ADCK5: variants seen among roughly 807,000 people sequenced by gnomAD.
ADCK5 encodes the protein uncharacterized aarF domain-containing protein kinase 5.
In ADCK5, 43 loss-of-function variants were observed where a neutral mutation model predicts 64.9. The ratio of observed to expected loss-of-function variants is 0.66; its 90% CI spans 0.52 to 0.85. ADCK5 has a LOEUF of 0.85. Among genes scored for constraint, ADCK5 ranks in the 40% least tolerant of loss-of-function variants. The pLI, the probability that ADCK5 is intolerant of heterozygous loss-of-function variation, is 0.00. For synonymous variants in ADCK5, 434 were observed against 342.8 expected, an observed-to-expected ratio of 1.27 and a Z score of -2.94; for missense variants, 760 against 810.5, an observed-to-expected ratio of 0.94 and a Z score of 0.76.
In ADCK5 at chr8:144,391,863, T is replaced by G; in HGVS notation, c.1011T>G (p.His337Gln). ...EAIRSQGLAV[H>Q]DIAEKLIKAF... Reference sequence around the variant, plus strand: ...TCAGGAGCCAGGGGCTGGCAGTGCATGACGTGAGTGCGGGGGGGCGGGGGC... The same window carrying G: ...TCAGGAGCCAGGGGCTGGCAGTGCAGGACGTGAGTGCGGGGGGGCGGGGGC... Residue 337 changes from histidine to glutamine, a missense_variant, in exon 9 of 15, where the codon CAT (histidine) becomes CAG (glutamine). Physicochemically the swap from His to Gln is conservative, Grantham distance 24 (BLOSUM62 0). Around this residue, in one of 2 missense-constraint regions of ADCK5, gnomAD observed 427 missense variants for 518.4 expected, o/e 0.82. Transcript: ENST00000308860. The G allele has an allele frequency of 1.6e-6, 2 of 1,241,552 alleles. No individual in the cohort carries two copies. The highest frequency in any genetic ancestry group is 2.1e-6 in the Non-Finnish European group (2 of 956,942). 76.9% of individuals were successfully genotyped at this position (1,241,552 alleles called of 1,614,324 possible).
At chr8:144,390,389 A>C (rs1192631181) in intron 3 of ADCK5, among the ~76,000 whole-genome samples, 9 of 152,278 alleles carry the variant, frequency 5.9e-5, no homozygotes, top group Non-Finnish European at 1.0e-4. Context: ...ACAGCCTCCC[A>C]ATGTGATGGG....
chr8:144,378,837 C>T lies in ADCK5; in HGVS notation c.13-550C>T, dbSNP rs545381219. On this transcript the variant is annotated intron_variant, in intron 1 of 14. Transcript: ENST00000308860. ...GAGATTGTAGTGAGCCGAGATTGTG[C>T]CATTGCACTCCAGCCTGGGCGACAG... 2.6e-5 allele frequency among the ~76,000 whole-genome samples: 4 copies of T among 152,124 alleles called. No homozygotes were observed. In the South Asian group the frequency reaches 8.3e-4, roughly 32 times the overall value.
rs1819800815 is a variant in ADCK5 at position 144,384,113 on chromosome 8, C to G, written c.266+883C>G. On this transcript the variant is annotated intron_variant, in intron 3 of 14. Coordinates refer to ENST00000308860, the MANE Select transcript of ADCK5 (RefSeq NM_174922.5). This position sits in a 1 kb window ranked among gnomAD's most constrained non-coding sequence, Gnocchi z 5.7. The stretch of plus-strand genomic sequence containing the variant: ...TATTTTTAGTAGAAACGGGGTTTCA[C>G]TGTGTTAGCCAGGATGGTCTCGATC... Among the ~76,000 whole-genome samples the G allele has an allele frequency of 6.6e-6, 1 of 152,018 alleles. No individual in the cohort carries two copies. Among genetic ancestry groups the G allele is most frequent in the Admixed American group, 6.6e-5 (1 of 15,238 alleles).
intron 1 of ADCK5, among the ~76,000 whole-genome samples, chr8:144,377,796 C>G (rs1819427991): frequency 6.6e-6 from 1 of 152,206 alleles, no homozygotes; most frequent in South Asian, 2.1e-4. Flanking sequence ...TAGGCCACTC[C>G]TCCCATCCGG....
In ADCK5 at chr8:144,390,996, C is replaced by G; in HGVS notation, c.483C>G (p.Pro161=). 6.2e-7 allele frequency: 1 copy of G among 1,613,020 alleles called. No individual in the cohort carries two copies. Among genetic ancestry groups the G allele is most frequent in the Non-Finnish European group, 8.5e-7 (1 of 1,179,992 alleles). Residue 161 remains proline (P), a synonymous_variant, in exon 5 of 15, where the codon CCC becomes CCG. Transcript: ENST00000308860. ...GLCSFNHLLP[P]EYTRTLRVLE... Reference sequence around the variant, plus strand: ...GCTCCTTCAACCACCTGCTTCCCCCCGAGTATACCCGGACCCTGCGCGTGC... The same window carrying G: ...GCTCCTTCAACCACCTGCTTCCCCCGGAGTATACCCGGACCCTGCGCGTGC...
At chr8:144,377,680 G>A (rs566514447) in intron 1 of ADCK5, among the ~76,000 whole-genome samples, 6 of 152,310 alleles carry the variant, frequency 3.9e-5, no homozygotes, top group Admixed American at 6.5e-5. Context: ...CCTGCTAGCT[G>A]CAGCATGTCC....
intron 3 of ADCK5, chr8:144,389,123 C>T (rs1221204692): frequency 8.0e-6 from 3 of 376,392 alleles, no homozygotes; most frequent in East Asian, 7.4e-5. Flanking sequence ...ACCCTGATAT[C>T]CTCCTAACTG....
intron 3 of ADCK5, 55 bp downstream of exon 3, chr8:144,383,285 G>A (rs914999119): frequency 1.3e-5 from 20 of 1,482,484 alleles, no homozygotes; most frequent in South Asian, 6.8e-5. Flanking sequence ...GGGTGTGTGC[G>A]GTGCAGGATT....
At chr8:144,379,666 C>G (rs548332299) in intron 2 of ADCK5, among the ~76,000 whole-genome samples, 176 bp downstream of exon 2, 2 of 152,326 alleles carry the variant, frequency 1.3e-5, no homozygotes, top group African/African-American at 4.8e-5. Flanking sequence ...CCCCAGGGAC[C>G]CATGGGACCG....
chr8:144,379,635 C>A (rs1417072563), intron 2 of ADCK5, 145 bp downstream of exon 2: 3 of 681,588 alleles, frequency 4.4e-6, no homozygotes, highest in Admixed American at 6.7e-5. Context: ...CTCCTCAGTG[C>A]GGTGCACTGG....
chr8:144,392,935 C>T (rs957059223), intron 14 of ADCK5, 34 bp from the exon 15 acceptor site: 3 of 1,586,724 alleles, frequency 1.9e-6, no homozygotes, highest in Non-Finnish European at 1.7e-6. Context: ...GCCTGCTCCC[C>T]ACCCACCTGT....
In ADCK5 at chr8:144,383,118, T is replaced by C; in HGVS notation, c.154T>C (p.Ser52Pro). The change falls in exon 3 of 15, where the codon TCC (serine) becomes CCC (proline). Residue 52 changes from serine to proline, a missense_variant. Ser to Pro is a moderately conservative substitution (Grantham distance 74). This residue lies in a region of ADCK5 where 427 missense variants were observed against 518.4 expected (regional missense o/e 0.82). Coordinates refer to ENST00000308860, the MANE Select transcript of ADCK5 (RefSeq NM_174922.5). ...SPTPLWRKVL[S>P]TAVVGAPLLL... is the part of the protein sequence containing the mutation. ...CACACCCCTGTGGAGGAAGGTGCTC[T>C]CCACCGCGGTAGTGGGGGCGCCCCT... 1 of 1,587,410 alleles carries C rather than the reference T, an allele frequency of 6.3e-7. No individual in the cohort carries two copies. The highest frequency in any genetic ancestry group is 8.6e-7 in the Non-Finnish European group (1 of 1,167,084).
intron 1 of ADCK5, among the ~76,000 whole-genome samples, chr8:144,378,917 A>G (rs921461951): frequency 6.7e-6 from 1 of 150,358 alleles, no homozygotes; most frequent in Non-Finnish European, 1.5e-5. Flanking sequence ...TAAATTACCC[A>G]GTCTTGCTTG....
At chr8:144,383,537 C>A (rs1286319365) in intron 3 of ADCK5, among the ~76,000 whole-genome samples, 1 of 152,166 alleles carries the variant, frequency 6.6e-6, no homozygotes, top group Non-Finnish European at 1.5e-5. Flanking sequence ...GCGCTCCAGC[C>A]CTGGGCCCGT....
intron 2 of ADCK5, among the ~76,000 whole-genome samples, chr8:144,382,864 C>T (rs1197867803): frequency 6.6e-6 from 1 of 152,250 alleles, no homozygotes; most frequent in Non-Finnish European, 1.5e-5. Context: ...ATGAGACCTG[C>T]CCCTTATGGC....
Position 144,392,938 on chromosome 8 carries a change from CCACCTGT to C in ADCK5, c.1638-30_1638-24del, listed in dbSNP as rs1554861643. ...TGGGTGGCGGGGGCCTGCTCCCCAC[CCACCTGT>C]GACCTGTGACCTGACCCACGCAGGC... is the stretch of plus-strand genomic sequence containing the variant. On this transcript the variant is annotated intron_variant, in intron 14 of 14. Transcript: ENST00000308860. 5 of 1,576,410 alleles carry C rather than the reference CCACCTGT, an allele frequency of 3.2e-6. No homozygotes were observed. The South Asian group carries it at 5.7e-5, about 18-fold the overall frequency.
chr8:144,379,773 C>A (rs782515775), intron 2 of ADCK5, among the ~76,000 whole-genome samples: 1 of 152,126 alleles, frequency 6.6e-6, no homozygotes, highest in African/African-American at 2.4e-5. Context: ...AAGAGCAAAC[C>A]GGGTCATTCA....
intron 1 of ADCK5, 117 bp from the exon 2 acceptor site, chr8:144,379,270 A>G: frequency 1.5e-6 from 1 of 655,564 alleles, no homozygotes; most frequent in Non-Finnish European, 2.5e-6. Flanking sequence ...ATGGACTCAC[A>G]CATTAGGTTT....
rs1819820742 is a variant in ADCK5, at chr8:144,384,418, A to T, written c.266+1188A>T. Among the ~76,000 whole-genome samples, 1 of 152,198 alleles carries T rather than the reference A, an allele frequency of 6.6e-6. No individual in the cohort carries two copies. Among genetic ancestry groups the T allele is most frequent in the Non-Finnish European group, 1.5e-5 (1 of 68,036 alleles). On this transcript the variant is annotated intron_variant, in intron 3 of 14. Coordinates refer to ENST00000308860, the MANE Select transcript of ADCK5 (RefSeq NM_174922.5). This position sits in a 1 kb window ranked among gnomAD's most constrained non-coding sequence, Gnocchi z 5.7. ...AAGCTTGTGGATAGCTGGGCACCTG[A>T]GGATTTTCAGCCTAAAAGACAAAAC...
Sources: gnomAD v4.1 joint callset for allele counts (sites outside exome capture counted in the v4.1 genomes callset) on GRCh38, gnomAD v4.1.1 for gene constraint, gnomAD v4.1.1 regional missense constraint, Gnocchi (gnomAD v3.1) non-coding constraint, MANE v1.5 for transcripts, NCBI Gene and HGNC (gene_info 2026-07-23, HGNC 2026-07-21) for gene names.